Variants in SLC9A9 observed in about 807,000 individuals in gnomAD.
SLC9A9 encodes the protein solute carrier family 9 member A9, also known as sodium/hydrogen exchanger 9.
A neutral mutation model predicts 77.8 loss-of-function variants in SLC9A9; 62 were observed. The ratio of observed to expected loss-of-function variants is 0.80; its 90% confidence interval spans 0.65 to 0.98. The LOEUF (loss-of-function observed/expected upper bound fraction) is 0.98. Among genes scored for constraint, SLC9A9 ranks in the 50% least tolerant of loss-of-function variants. SLC9A9 has a pLI of 0.00. For missense variants in SLC9A9, 775 were observed against 774.9 expected (o/e 1.00, Z 0.00); for synonymous variants, 320 against 283.5 (o/e 1.13, Z -1.29).
intron 4 of SLC9A9, among the ~76,000 whole-genome samples, chr3:143,699,886 C>G (rs1015999765): frequency 6.6e-6 from 1 of 151,930 alleles, no homozygotes; most frequent in South Asian, 2.1e-4. Flanking sequence ...ACCCCTCCTT[C>G]AACCGTAGGC....
intron 5 of SLC9A9, among the ~76,000 whole-genome samples, chr3:143,673,881 T>C (rs2039196320): frequency 6.6e-6 from 1 of 152,100 alleles, no homozygotes; most frequent in Admixed American, 6.5e-5. Flanking sequence ...TTTAGTCTCT[T>C]TACATTTGAG....
intron 5 of SLC9A9, among the ~76,000 whole-genome samples, chr3:143,659,339 G>C (rs1258171696): frequency 6.6e-6 from 1 of 152,188 alleles, no homozygotes; most frequent in East Asian, 1.9e-4. Flanking sequence ...GAACTGTGAG[G>C]AAAGAGACAT....
intron 4 of SLC9A9, among the ~76,000 whole-genome samples, chr3:143,767,370 CTGTGTA>C (rs1157370248): frequency 4.1e-4 from 48 of 117,578 alleles, no homozygotes; most frequent in African/African-American, 1.1e-3. Context: ...CAGTAAGTGT[CTGTGTA>C]TGTGTGTGTG....
intron 11 of SLC9A9, among the ~76,000 whole-genome samples, chr3:143,475,758 C>G (rs2035466107): frequency 6.7e-6 from 1 of 148,684 alleles, no homozygotes; most frequent in Admixed American, 6.7e-5. Flanking sequence ...CGCCACTGCA[C>G]TCCAGCCTGG....
intron 14 of SLC9A9, among the ~76,000 whole-genome samples, chr3:143,287,968 G>A (rs1211007787): frequency 6.6e-6 from 1 of 151,838 alleles, no homozygotes; most frequent in Non-Finnish European, 1.5e-5. Flanking sequence ...AAGTCTTCCT[G>A]GAAAAAAAAT....
At chr3:143,332,721 T>C (rs550030568) in intron 14 of SLC9A9, among the ~76,000 whole-genome samples, 1 of 152,366 alleles carries the variant, frequency 6.6e-6, no homozygotes, top group South Asian at 2.1e-4. Context: ...ATTTATTTAT[T>C]AGACAGAAGA....
rs187613497 is a variant in SLC9A9 at position 143,539,426 on chromosome 3, G to C, written c.1089+12936C>G. Among the ~76,000 whole-genome samples, 14 of 152,222 alleles carry C rather than the reference G, an allele frequency of 9.2e-5. No homozygotes were observed. The East Asian group carries it at 2.7e-3, about 29-fold the overall frequency. ...TTGCTGCATCTTTCAAGATTATTAA[G>C]GAAATGGCATCCTTAAATTTGGCAA... On this transcript the variant is annotated intron_variant, in intron 9 of 15. Transcript: ENST00000316549.
rs527955891 is a variant in SLC9A9 at position 143,480,406 on chromosome 3, A to C, written c.1316-13216T>G. Among the ~76,000 whole-genome samples, 213 of 152,348 alleles carry C rather than the reference A, an allele frequency of 1.4e-3. 2 individuals are homozygous for C. The highest frequency in any genetic ancestry group is 6.8e-3 in the Middle Eastern group (2 of 294). On this transcript the variant is annotated intron_variant, in intron 11 of 15. Transcript: ENST00000316549. ...TCAGCATTGGAGACTGTGAGGACTTAATGGGATCTGCAATTCATATGGGTC... is the reference window on the plus strand; with the variant it reads ...TCAGCATTGGAGACTGTGAGGACTTCATGGGATCTGCAATTCATATGGGTC...
At chr3:143,285,776 G>T (rs1170512822) in intron 14 of SLC9A9, among the ~76,000 whole-genome samples, 2 of 152,158 alleles carry the variant, frequency 1.3e-5, no homozygotes, top group African/African-American at 4.8e-5. Context: ...TGGCGGGGAG[G>T]GGTTATTAGA....
intron 4 of SLC9A9, among the ~76,000 whole-genome samples, chr3:143,788,552 T>A (rs576042282): frequency 1.3e-5 from 2 of 152,014 alleles, no homozygotes; most frequent in South Asian, 4.2e-4. Flanking sequence ...TAGCTGGGTG[T>A]AGTGGTACAT....
In SLC9A9 at chr3:143,775,092, A is replaced by G. The variant is rs148223238; in HGVS notation, c.533+19909T>C. On this transcript the variant is annotated intron_variant, in intron 4 of 15. Transcript: ENST00000316549. ...TACCTGCTGAGATCAGTTAGATTAG[A>G]ACCCCCTCTCTAAGGGGATCAAAAA... Among the ~76,000 whole-genome samples the G allele has an allele frequency of 3.2e-3, 495 of 152,316 alleles. 1 individual carries two copies. The highest frequency in any genetic ancestry group is 0.014 in the Middle Eastern group (4 of 294).
intron 11 of SLC9A9, among the ~76,000 whole-genome samples, chr3:143,488,264 A>G (rs1235752644): frequency 6.6e-6 from 1 of 151,960 alleles, no homozygotes; most frequent in Non-Finnish European, 1.5e-5. Flanking sequence ...GTAATCAAAA[A>G]TCTCCTCACA....
intron 5 of SLC9A9, among the ~76,000 whole-genome samples, chr3:143,666,897 C>T (rs1235619181): frequency 1.3e-5 from 2 of 152,158 alleles, no homozygotes; most frequent in African/African-American, 4.8e-5. Context: ...ATGAAAATGG[C>T]CATACTGCCC....
chr3:143,586,446 C>T (rs549175575), intron 6 of SLC9A9, among the ~76,000 whole-genome samples: 12 of 152,142 alleles, frequency 7.9e-5, no homozygotes, highest in South Asian at 4.1e-4. Context: ...AAAGGGGCAA[C>T]GAAAATGTGT....
At chr3:143,692,314 T>C (rs1933495504) in intron 5 of SLC9A9, among the ~76,000 whole-genome samples, 1 of 152,102 alleles carries the variant, frequency 6.6e-6, no homozygotes, top group African/African-American at 2.4e-5. Flanking sequence ...ATAATGACAA[T>C]AAGACAATTA....
chr3:143,636,090 G>A (rs549585143), intron 6 of SLC9A9, among the ~76,000 whole-genome samples: 12 of 152,256 alleles, frequency 7.9e-5, no homozygotes, highest in African/African-American at 2.9e-4. Context: ...TGAAGATATA[G>A]TTTACTTGTG....
intron 14 of SLC9A9, among the ~76,000 whole-genome samples, chr3:143,280,082 A>G (rs2108405273): frequency 6.6e-6 from 1 of 152,302 alleles, no homozygotes; most frequent in South Asian, 2.1e-4. Context: ...TAGCCTCCCA[A>G]GGTGCTGGGA....
chr3:143,790,224 G>A (rs773858732), intron 4 of SLC9A9, among the ~76,000 whole-genome samples: 5 of 152,122 alleles, frequency 3.3e-5, no homozygotes, highest in East Asian at 1.9e-4. Context: ...CCAGCCATGC[G>A]GAACTGTGAG....
In SLC9A9 at chr3:143,491,151, A is replaced by G. The variant is rs77830320; in HGVS notation, c.1315+2502T>C. ...GATATGGATGCTCAGTATGGAAAAC[A>G]CTGGGTCGCATTCTCTGGACATCAG... On this transcript the variant is annotated intron_variant, in intron 11 of 15. Coordinates refer to ENST00000316549, the MANE Select transcript of SLC9A9 (RefSeq NM_173653.4). 2.1e-3 allele frequency among the ~76,000 whole-genome samples: 314 copies of G among 152,294 alleles called. 3 individuals carry two copies. Among genetic ancestry groups the G allele is most frequent in the East Asian group, 0.018 (94 of 5,182 alleles).
Sources: gnomAD v4.1 joint callset for allele counts (sites outside exome capture counted in the v4.1 genomes callset) on GRCh38, gnomAD v4.1.1 for gene constraint, MANE v1.5 for transcripts, NCBI Gene and HGNC (gene_info 2026-07-23, HGNC 2026-07-21) for gene names.